SNX3: variants seen among roughly 807,000 people sequenced by gnomAD.
SNX3 encodes sorting nexin-3.
In SNX3, 5 loss-of-function variants were observed where a neutral mutation model predicts 17.7. The observed-to-expected ratio is 0.28, with a 90% CI of 0.15 to 0.59. SNX3 has a LOEUF of 0.59. Ranked by LOEUF, SNX3 falls within the 20% of genes least tolerant of loss-of-function variation. The pLI is 0.88. For synonymous variants in SNX3, 91 were observed against 76.5 expected, an observed-to-expected ratio of 1.19 and a Z score of -0.99; for missense variants, 132 against 206.8, an observed-to-expected ratio of 0.64 and a Z score of 2.22.
intron 1 of SNX3, among the ~76,000 whole-genome samples, chr6:108,233,474 G>A (rs1003179193): frequency 1.3e-5 from 2 of 152,164 alleles, no homozygotes; most frequent in African/African-American, 4.8e-5. Flanking sequence ...GATCTAGGGT[G>A]GAATCTGAAA....
chr6:108,230,262 A>G (rs1053461386), intron 1 of SNX3, among the ~76,000 whole-genome samples: 32 of 152,086 alleles, frequency 2.1e-4, no homozygotes, highest in African/African-American at 7.2e-4. Flanking sequence ...TCACTCTAAT[A>G]TTCATATTTT....
At chr6:108,256,718 C>A (rs1352718734) in intron 1 of SNX3, among the ~76,000 whole-genome samples, 1 of 152,182 alleles carries the variant, frequency 6.6e-6, no homozygotes, top group Admixed American at 6.5e-5. Context: ...ACTTAAAAAT[C>A]TCCAGAATAT....
chr6:108,222,180 G>C, intron 2 of SNX3: 1 of 1,295,124 alleles, frequency 7.7e-7, no homozygotes, highest in Non-Finnish European at 1.0e-6. Context: ...AATGAGTACA[G>C]ACTAGCCTTC....
At chr6:108,242,936 G>A (rs1254646018) in intron 1 of SNX3, among the ~76,000 whole-genome samples, 1 of 152,162 alleles carries the variant, frequency 6.6e-6, no homozygotes. Context: ...GGCCTCAGAT[G>A]AAACCACAAC....
chr6:108,223,497 CTTTTTTTTTT>C (rs59920022), intron 1 of SNX3, among the ~76,000 whole-genome samples: 16 of 110,370 alleles, frequency 1.4e-4, no homozygotes, highest in South Asian at 1.3e-3. Flanking sequence ...TTTGCTAGTT[CTTTTTTTTTT>C]TTTTTTTTTT....
intron 1 of SNX3, among the ~76,000 whole-genome samples, chr6:108,241,122 C>T (rs1005244166): frequency 3.5e-5 from 4 of 114,996 alleles, no homozygotes; most frequent in African/African-American, 6.8e-5. Context: ...CGAGCCTGAG[C>T]GATAGAGCAA....
At chr6:108,230,975 T>C (rs1775127539) in intron 1 of SNX3, among the ~76,000 whole-genome samples, 1 of 152,112 alleles carries the variant, frequency 6.6e-6, no homozygotes, top group African/African-American at 2.4e-5. Context: ...AACTATAAAA[T>C]AGATCACCAA....
chr6:108,221,721 T>A (rs1459206029), intron 2 of SNX3, among the ~76,000 whole-genome samples: 3 of 151,740 alleles, frequency 2.0e-5, no homozygotes, highest in African/African-American at 7.3e-5. Flanking sequence ...AATTTTTGTA[T>A]TTTTTGTAGC....
chr6:108,219,852 C>A (rs990132575), intron 2 of SNX3, among the ~76,000 whole-genome samples: 2 of 152,104 alleles, frequency 1.3e-5, no homozygotes, highest in Non-Finnish European at 2.9e-5. Context: ...AACAGTGTTT[C>A]CCATCAGAGA....
At chr6:108,221,731 C>T (rs185046325) in intron 2 of SNX3, among the ~76,000 whole-genome samples, 83 of 151,088 alleles carry the variant, frequency 5.5e-4, no homozygotes, top group Non-Finnish European at 7.8e-4. Context: ...TTTTTTGTAG[C>T]GATGGGGTTT....
In SNX3 at chr6:108,260,775, G is replaced by T. The variant is rs555381389; in HGVS notation, c.147C>A (p.Tyr49Ter). 2 of 1,613,902 alleles carry T rather than the reference G, an allele frequency of 1.2e-6. No homozygotes were observed. The highest frequency in any genetic ancestry group is 1.1e-5 in the South Asian group (1 of 91,086). The change falls in exon 1 of 4, where the codon TAC becomes TAA. Residue 49 changes from tyrosine (Y) to a stop codon, truncating the protein, a stop_gained. Transcript: ENST00000230085. LOFTEE classifies it high-confidence loss of function. ...VGVGRGRFTT[Y>*]EIRVKTNLPI... is the part of the protein sequence containing the mutation. ...ACGGCCTCACCTTGACCCTGATTTC[G>T]TAAGTGGTGAAGCGGCCCCGGCCGA...
chr6:108,252,211 A>C (rs1775885926), intron 1 of SNX3: 1 of 152,368 alleles, frequency 6.6e-6, no homozygotes, highest in African/African-American at 2.4e-5. Context: ...GATGGCAGGC[A>C]CCACGTCCAG....
intron 2 of SNX3, among the ~76,000 whole-genome samples, chr6:108,221,725 T>C (rs1291601521): frequency 6.6e-6 from 1 of 151,530 alleles, no homozygotes; most frequent in African/African-American, 2.4e-5. Context: ...TTTGTATTTT[T>C]TGTAGCGATG....
At chr6:108,225,698 T>C (rs1194970825) in intron 1 of SNX3, among the ~76,000 whole-genome samples, 4 of 151,832 alleles carry the variant, frequency 2.6e-5, no homozygotes, top group Admixed American at 2.0e-4. Flanking sequence ...CTAAAAACAC[T>C]AAAGACTATT....
At chr6:108,255,094 TC>T (rs1249686279) in intron 1 of SNX3, among the ~76,000 whole-genome samples, 3 of 152,138 alleles carry the variant, frequency 2.0e-5, no homozygotes, top group African/African-American at 7.2e-5. Context: ...CAGAACAGAA[TC>T]CCTAAAAACT....
At chr6:108,225,650 A>G (rs1044882170) in intron 1 of SNX3, among the ~76,000 whole-genome samples, 4 of 152,234 alleles carry the variant, frequency 2.6e-5, no homozygotes, top group Non-Finnish European at 5.9e-5. Flanking sequence ...CAAAACAAAA[A>G]AAAGATGCTA....
intron 1 of SNX3, among the ~76,000 whole-genome samples, chr6:108,235,467 G>A (rs1157121836): frequency 1.3e-5 from 2 of 152,148 alleles, no homozygotes; most frequent in Admixed American, 6.5e-5. Context: ...AACTGTTTTC[G>A]GTCACCAACT....
chr6:108,260,735 T>C, intron 1 of SNX3, 25 bp downstream of exon 1: 1 of 1,612,912 alleles, frequency 6.2e-7, no homozygotes, highest in Non-Finnish European at 8.5e-7. Flanking sequence ...AGGGGTTTCT[T>C]GGGAGAGGGG....
At chr6:108,235,870 A>G (rs1028296293) in intron 1 of SNX3, among the ~76,000 whole-genome samples, 1 of 152,160 alleles carries the variant, frequency 6.6e-6, no homozygotes, top group Non-Finnish European at 1.5e-5. Flanking sequence ...CCTCGGCGAC[A>G]GAGTGAGACT....
Sources: allele counts gnomAD v4.1 joint callset (sites outside exome capture counted in the v4.1 genomes callset), GRCh38; gene constraint gnomAD v4.1.1; transcripts MANE v1.5; gene names NCBI Gene and HGNC (gene_info 2026-07-23, HGNC 2026-07-21).